Variants in PSMD14 observed in about 807,000 individuals in gnomAD.
The protein encoded by PSMD14 is proteasome 26S subunit, non-ATPase 14, also known as ubiquitin C-terminal hydrolase PSMD14.
PSMD14 carries 7 observed loss-of-function variants against 41.2 expected under a neutral mutation model. The ratio of observed to expected loss-of-function variants is 0.17; its 90% CI spans 0.10 to 0.32. The LOEUF is 0.32. Ranked by LOEUF, PSMD14 falls within the 10% of genes least tolerant of loss-of-function variation. The probability of loss-of-function intolerance (pLI) is 1.00; values close to 1 mark genes in which losing one functional copy is unlikely to be tolerated. For missense variants in PSMD14, 139 were observed against 375.6 expected, an observed-to-expected ratio of 0.37 and a Z score of 5.21; for synonymous variants, 114 against 122.3, an observed-to-expected ratio of 0.93 and a Z score of 0.45.
intron 3 of PSMD14, among the ~76,000 whole-genome samples, chr2:161,337,102 A>G (rs1437314334): frequency 6.6e-6 from 1 of 152,222 alleles, no homozygotes; most frequent in Non-Finnish European, 1.5e-5. Flanking sequence ...ATTAAGAATC[A>G]ATTTCAGGAA....
chr2:161,341,688 A>G (rs1362267173), intron 3 of PSMD14, among the ~76,000 whole-genome samples: 1 of 151,562 alleles, frequency 6.6e-6, no homozygotes, highest in Non-Finnish European at 1.5e-5. Context: ...AAATACAAAA[A>G]ATGAGCCGGG....
chr2:161,367,131 C>G (rs1198838438), intron 3 of PSMD14, among the ~76,000 whole-genome samples: 1 of 152,160 alleles, frequency 6.6e-6, no homozygotes, highest in Admixed American at 6.6e-5. Context: ...TGTGTTGATG[C>G]TTTAGTTAAT....
chr2:161,344,259 G>A (rs1403314052), intron 3 of PSMD14, among the ~76,000 whole-genome samples: 1 of 152,120 alleles, frequency 6.6e-6, no homozygotes, highest in Non-Finnish European at 1.5e-5. Flanking sequence ...TAGATTGAGT[G>A]GCTTAAATAA....
intron 8 of PSMD14, among the ~76,000 whole-genome samples, chr2:161,390,633 C>T (rs1195546768): frequency 2.6e-5 from 4 of 152,076 alleles, no homozygotes. Context: ...AATTTGGAGA[C>T]ATGCATAACA....
chr2:161,366,645 T>C (rs1336322839), intron 3 of PSMD14, among the ~76,000 whole-genome samples: 2 of 152,054 alleles, frequency 1.3e-5, no homozygotes, highest in African/African-American at 4.8e-5. Flanking sequence ...TCCCAGATTG[T>C]CCAATATTAA....
intron 10 of PSMD14, 135 bp from the exon 11 acceptor site, chr2:161,408,702 T>G: frequency 6.4e-6 from 4 of 629,202 alleles, no homozygotes; most frequent in Non-Finnish European, 1.1e-5. Flanking sequence ...TAGCATAATT[T>G]TATTTGTTCA....
chr2:161,363,558 C>T (rs535532222), intron 3 of PSMD14, among the ~76,000 whole-genome samples: 1 of 152,198 alleles, frequency 6.6e-6, no homozygotes, highest in Non-Finnish European at 1.5e-5. Context: ...GTTCATGATT[C>T]CTATATTTAG....
At chr2:161,360,993 T>C (rs1683282163) in intron 3 of PSMD14, among the ~76,000 whole-genome samples, 1 of 152,242 alleles carries the variant, frequency 6.6e-6, no homozygotes, top group Admixed American at 6.5e-5. Flanking sequence ...TTTAAAGTCT[T>C]TAGGTATTTA....
intron 7 of PSMD14, among the ~76,000 whole-genome samples, chr2:161,379,759 G>A (rs1222349185): frequency 3.3e-5 from 5 of 152,058 alleles, no homozygotes; most frequent in Non-Finnish European, 7.4e-5. Context: ...ATGCAAAGGA[G>A]AAAGTGAAGG....
chr2:161,371,465 A>G (rs1193524880), intron 7 of PSMD14, 143 bp downstream of exon 7: 3 of 734,134 alleles, frequency 4.1e-6, no homozygotes, highest in Admixed American at 3.1e-5. Flanking sequence ...AAAAAACTGT[A>G]CAAGTTGATA....
intron 8 of PSMD14, 82 bp downstream of exon 8, chr2:161,385,653 CT>C: frequency 1.5e-6 from 1 of 681,136 alleles, no homozygotes; most frequent in Non-Finnish European, 2.4e-6. Flanking sequence ...AGTTCTAATT[CT>C]TAGCATTTTA....
chr2:161,325,650 A>G (rs1682684201), intron 3 of PSMD14, among the ~76,000 whole-genome samples: 1 of 152,232 alleles, frequency 6.6e-6, no homozygotes, highest in Non-Finnish European at 1.5e-5. Context: ...TGTTCATGGA[A>G]ATAGGCAAAC....
At chr2:161,343,105 A>G (rs1374226202) in intron 3 of PSMD14, among the ~76,000 whole-genome samples, 1 of 152,124 alleles carries the variant, frequency 6.6e-6, no homozygotes, top group African/African-American at 2.4e-5. Context: ...CATTTTAATC[A>G]TTTTTAAGTG....
intron 10 of PSMD14, among the ~76,000 whole-genome samples, chr2:161,406,737 A>G (rs1329515642): frequency 1.3e-5 from 2 of 152,160 alleles, no homozygotes; most frequent in Non-Finnish European, 2.9e-5. Context: ...CCCAGATGGC[A>G]TCTATGGCTG....
At chr2:161,322,402 T>C (rs1368053343) in intron 3 of PSMD14, among the ~76,000 whole-genome samples, 1 of 152,146 alleles carries the variant, frequency 6.6e-6, no homozygotes, top group African/African-American at 2.4e-5. Flanking sequence ...TTATTATTAT[T>C]ATTTTGAGTC....
intron 1 of PSMD14, among the ~76,000 whole-genome samples, chr2:161,313,547 G>C (rs1284916620): frequency 6.6e-6 from 1 of 152,076 alleles, no homozygotes; most frequent in East Asian, 1.9e-4. Context: ...ACAGGGTTTT[G>C]CCATGTTGGC....
intron 8 of PSMD14, among the ~76,000 whole-genome samples, chr2:161,390,406 CAG>C (rs1683696354): frequency 6.6e-6 from 1 of 152,088 alleles, no homozygotes; most frequent in Admixed American, 6.6e-5. Flanking sequence ...TTGATGTTGT[CAG>C]AGTTAGATAT....
chr2:161,397,846 TTTC>T (rs1478817208), intron 10 of PSMD14, among the ~76,000 whole-genome samples: 1 of 152,192 alleles, frequency 6.6e-6, no homozygotes, highest in African/African-American at 2.4e-5. Flanking sequence ...ATTTCTTATC[TTTC>T]TAGTATACGT....
chr2:161,339,118 T>C (rs1309778519), intron 3 of PSMD14, among the ~76,000 whole-genome samples: 1 of 152,222 alleles, frequency 6.6e-6, no homozygotes, highest in East Asian at 1.9e-4. Flanking sequence ...TACATGACAT[T>C]GTATGGACAG....
Sources: allele counts gnomAD v4.1 joint callset (sites outside exome capture counted in the v4.1 genomes callset), GRCh38; gene constraint gnomAD v4.1.1; transcripts MANE v1.5; gene names NCBI Gene and HGNC (gene_info 2026-07-23, HGNC 2026-07-21).